Variants in ATRNL1 observed in about 807,000 individuals in gnomAD.
The protein encoded by ATRNL1 is attractin like 1, also known as attractin-like protein 1.
Under a neutral mutation model 182.7 loss-of-function variants are expected in ATRNL1, and 95 were observed. The observed-to-expected ratio is 0.52, with a 90% CI of 0.44 to 0.62. The LOEUF (loss-of-function observed/expected upper bound fraction) is 0.62. Ranked by LOEUF, ATRNL1 falls within the 20% of genes least tolerant of loss-of-function variation. The pLI is 0.00. For synonymous variants in ATRNL1, 576 were observed against 568.3 expected (o/e 1.01, Z -0.19); for missense variants, 1,471 against 1,679.5 (o/e 0.88, Z 2.17).
intron 26 of ATRNL1, among the ~76,000 whole-genome samples, chr10:115,661,261 A>G (rs574648381): frequency 6.6e-6 from 1 of 152,260 alleles, no homozygotes; most frequent in Non-Finnish European, 1.5e-5. Flanking sequence ...TGTCAAACGT[A>G]TGTCCTTTAG....
At chr10:115,916,406 G>T (rs2134544034) in intron 28 of ATRNL1, among the ~76,000 whole-genome samples, 1 of 152,320 alleles carries the variant, frequency 6.6e-6, no homozygotes. Context: ...GAGACCTTTT[G>T]TTTGAAATAG....
At chr10:115,750,658 G>A (rs1457651093) in intron 27 of ATRNL1, among the ~76,000 whole-genome samples, 2 of 151,694 alleles carry the variant, frequency 1.3e-5, no homozygotes, top group Non-Finnish European at 2.9e-5. Context: ...TAAAATAATT[G>A]CAAATATTTT....
At chr10:115,805,633 A>G (rs186019017) in intron 27 of ATRNL1, among the ~76,000 whole-genome samples, 52 of 152,120 alleles carry the variant, frequency 3.4e-4, no homozygotes, top group African/African-American at 1.2e-3. Flanking sequence ...AAAGCACCTT[A>G]AACTTGTCAG....
At chr10:115,556,573 T>A (rs1371263248) in intron 26 of ATRNL1, among the ~76,000 whole-genome samples, 1 of 152,124 alleles carries the variant, frequency 6.6e-6, no homozygotes, top group African/African-American at 2.4e-5. Context: ...TTAGAGATAT[T>A]AAAATGTGAA....
At position 115,151,549 on chromosome 10, in the gene ATRNL1, G is replaced by A. The variant is rs188947870; in HGVS notation, c.830-8491G>A. ...TGAGAAGTGTCTGTTCATATCCTTCGCCCACTTTTTGATGGGGTTGTTTTT... is the reference window on the plus strand; with the variant it reads ...TGAGAAGTGTCTGTTCATATCCTTCACCCACTTTTTGATGGGGTTGTTTTT... On this transcript the variant is annotated intron_variant, in intron 5 of 28. Transcript: ENST00000355044. Among the ~76,000 whole-genome samples the A allele has an allele frequency of 1.1e-3, 174 of 152,206 alleles. 2 individuals carry two copies. The East Asian group carries it at 0.027, about 23-fold the overall frequency.
chr10:115,719,423 T>C (rs1442577713), intron 26 of ATRNL1, among the ~76,000 whole-genome samples: 1 of 152,218 alleles, frequency 6.6e-6, no homozygotes, highest in African/African-American at 2.4e-5. Flanking sequence ...TTATGAAGAC[T>C]TAAGTGATTT....
At chr10:115,574,552 A>G (rs2784810) in intron 26 of ATRNL1, among the ~76,000 whole-genome samples, 45,641 of 151,950 alleles carry the variant, frequency 0.3, 7,957 homozygotes, top group East Asian at 0.68. Flanking sequence ...AATCTTTTAT[A>G]TTTTCTGCAA....
intron 15 of ATRNL1, among the ~76,000 whole-genome samples, chr10:115,290,562 G>C (rs1028740998): frequency 6.6e-6 from 1 of 152,102 alleles, no homozygotes; most frequent in African/African-American, 2.4e-5. Flanking sequence ...AGGCTGAGGC[G>C]GGAGAATTGC....
intron 27 of ATRNL1, among the ~76,000 whole-genome samples, chr10:115,758,270 T>G (rs1306091033): frequency 6.6e-6 from 1 of 152,132 alleles, no homozygotes; most frequent in Non-Finnish European, 1.5e-5. Flanking sequence ...TCAGCCTTTT[T>G]GCACTGGTTT....
chr10:115,751,192 G>A (rs1948438222), intron 27 of ATRNL1, among the ~76,000 whole-genome samples: 1 of 152,000 alleles, frequency 6.6e-6, no homozygotes, highest in Non-Finnish European at 1.5e-5. Context: ...TGCCTTTGAA[G>A]GTGGAAGGGG....
chr10:115,773,300 GC>G (rs1196814379), intron 27 of ATRNL1, among the ~76,000 whole-genome samples: 1 of 152,118 alleles, frequency 6.6e-6, no homozygotes, highest in African/African-American at 2.4e-5. Flanking sequence ...TTCCTCAGTT[GC>G]CCTTAAAATT....
At chr10:115,406,178 C>T (rs1554958218) in intron 20 of ATRNL1, among the ~76,000 whole-genome samples, 2 of 152,034 alleles carry the variant, frequency 1.3e-5, no homozygotes, top group African/African-American at 4.8e-5. Context: ...TTTATAGCAG[C>T]ATGATTTATA....
chr10:115,649,324 C>T lies in ATRNL1; in HGVS notation c.3796-77924C>T, dbSNP rs781952402. Among the ~76,000 whole-genome samples the T allele has an allele frequency of 9.9e-5, 15 of 152,038 alleles. 1 individual carries two copies. Among genetic ancestry groups the T allele is most frequent in the Admixed American group, 2.0e-4 (3 of 15,258 alleles). ...ATTTCATAATAAGGCCTCTGAAGGT[C>T]GTTTGAAATACTGCACTAATTAACG... On this transcript the variant is annotated intron_variant, in intron 26 of 28. Coordinates refer to ENST00000355044, the MANE Select transcript of ATRNL1 (RefSeq NM_207303.4).
chr10:115,808,769 C>T (rs535241207), intron 27 of ATRNL1, among the ~76,000 whole-genome samples: 8 of 152,090 alleles, frequency 5.3e-5, no homozygotes, highest in East Asian at 1.9e-4. Context: ...TCATGACTTC[C>T]GAGGTTGAGC....
At chr10:115,710,435 C>G (rs1181362070) in intron 26 of ATRNL1, among the ~76,000 whole-genome samples, 2 of 152,100 alleles carry the variant, frequency 1.3e-5, no homozygotes, top group Non-Finnish European at 2.9e-5. Context: ...ACCTGTGACA[C>G]ATTGTCTTTG....
At chr10:115,648,830 T>G (rs944032731) in intron 26 of ATRNL1, among the ~76,000 whole-genome samples, 5 of 152,190 alleles carry the variant, frequency 3.3e-5, no homozygotes, top group Non-Finnish European at 5.9e-5. Flanking sequence ...TTTATTTTAA[T>G]TCACTGAAGT....
chr10:115,848,080 G>A (rs1223103621), intron 28 of ATRNL1, 89 bp downstream of exon 28: 2 of 750,220 alleles, frequency 2.7e-6, no homozygotes, highest in Non-Finnish European at 4.6e-6. Context: ...GCGCAGTAAG[G>A]ACCTTTGCAA....
chr10:115,834,714 A>G (rs1950630636), intron 27 of ATRNL1, among the ~76,000 whole-genome samples: 2 of 152,056 alleles, frequency 1.3e-5, no homozygotes, highest in Non-Finnish European at 2.9e-5. Flanking sequence ...GTAGAACCAC[A>G]GTGATGTCAC....
chr10:115,389,550 A>G (rs1295047162), intron 19 of ATRNL1, among the ~76,000 whole-genome samples: 1,125 of 54,742 alleles, frequency 0.021, 142 homozygotes, highest in African/African-American at 0.062. Flanking sequence ...GTATATATAT[A>G]TATATATATA....
Sources: allele counts gnomAD v4.1 joint callset (sites outside exome capture counted in the v4.1 genomes callset), GRCh38; gene constraint gnomAD v4.1.1; transcripts MANE v1.5; gene names NCBI Gene and HGNC (gene_info 2026-07-23, HGNC 2026-07-21).